The following JAZF1 variants were observed in gnomAD, a reference collection of about 807,000 sequenced individuals.
The protein encoded by JAZF1 is JAZF zinc finger 1, also known as juxtaposed with another zinc finger protein 1.
JAZF1 carries 8 observed loss-of-function variants against 26.4 expected under a neutral mutation model. That is an observed-to-expected ratio of 0.30 (90% CI 0.18 to 0.55). The LOEUF is 0.55. Among genes scored for constraint, JAZF1 ranks in the 20% least tolerant of loss-of-function variants. The pLI is 0.94. For missense variants in JAZF1, 199 were observed against 322.0 expected, an observed-to-expected ratio of 0.62 and a Z score of 2.92; for synonymous variants, 126 against 122.3, an observed-to-expected ratio of 1.03 and a Z score of -0.20.
intron 1 of JAZF1, among the ~76,000 whole-genome samples, chr7:28,009,189 G>A (rs138780375): frequency 2.6e-5 from 4 of 151,684 alleles, no homozygotes; most frequent in Admixed American, 1.3e-4. Flanking sequence ...AAGATACTGC[G>A]TCTTCATTTC....
chr7:28,174,393 T>G (rs1010629130), intron 1 of JAZF1, among the ~76,000 whole-genome samples: 3 of 152,210 alleles, frequency 2.0e-5, no homozygotes, highest in Non-Finnish European at 4.4e-5. Context: ...TCATCAAGTG[T>G]CACCAGCCTG....
chr7:27,947,375 C>T (rs919332051), intron 2 of JAZF1, among the ~76,000 whole-genome samples: 1 of 152,144 alleles, frequency 6.6e-6, no homozygotes, highest in Non-Finnish European at 1.5e-5. Context: ...TCTGAATATA[C>T]TCTTTTTCTG....
At chr7:27,963,569 C>CT (rs36024077) in intron 2 of JAZF1, among the ~76,000 whole-genome samples, 47,464 of 131,332 alleles carry the variant, frequency 0.36, 9,484 homozygotes, top group East Asian at 0.53. Context: ...CCCCCCCCCC[C>CT]TTTTTTTTTG....
At chr7:28,048,835 C>G (rs1324036963) in intron 1 of JAZF1, among the ~76,000 whole-genome samples, 1 of 152,070 alleles carries the variant, frequency 6.6e-6, no homozygotes, top group East Asian at 1.9e-4. Flanking sequence ...AAAAAGGAAG[C>G]CAGTACTGAC....
intron 1 of JAZF1, among the ~76,000 whole-genome samples, chr7:28,017,657 T>G (rs1049712818): frequency 6.6e-6 from 1 of 152,238 alleles, no homozygotes; most frequent in African/African-American, 2.4e-5. Flanking sequence ...GGCACATGAG[T>G]GCAGCACTGG....
intron 1 of JAZF1, among the ~76,000 whole-genome samples, chr7:28,006,721 G>A (rs2128369122): frequency 6.6e-6 from 1 of 152,256 alleles, no homozygotes; most frequent in East Asian, 1.9e-4. Context: ...GGGTTTGTCT[G>A]ACTTCAAAGT....
At chr7:28,035,313 CAAAAAA>C (rs201602870) in intron 1 of JAZF1, among the ~76,000 whole-genome samples, 7 of 27,468 alleles carry the variant, frequency 2.5e-4, no homozygotes, top group South Asian at 1.9e-3. Flanking sequence ...GACTCCATCT[CAAAAAA>C]AAAAAAAAAA....
At chr7:28,079,894 G>T (rs1177194137) in intron 1 of JAZF1, among the ~76,000 whole-genome samples, 1 of 152,060 alleles carries the variant, frequency 6.6e-6, no homozygotes, top group Non-Finnish European at 1.5e-5. Flanking sequence ...CTGCTGGTCT[G>T]GTTCCAGACC....
At chr7:28,066,950 T>C (rs1783893493) in intron 1 of JAZF1, among the ~76,000 whole-genome samples, 1 of 152,194 alleles carries the variant, frequency 6.6e-6, no homozygotes, top group African/African-American at 2.4e-5. Context: ...CAAGAAGAAC[T>C]AGCAGGTACC....
chr7:27,908,955 A>G (rs201), intron 2 of JAZF1, among the ~76,000 whole-genome samples: 145,045 of 152,324 alleles, frequency 0.95, 69,167 homozygotes, highest in East Asian at 1. Context: ...CCTGTTGAAT[A>G]TGTTCAGGTA....
chr7:28,146,121 C>T (rs1178849860), intron 1 of JAZF1, among the ~76,000 whole-genome samples: 1 of 152,082 alleles, frequency 6.6e-6, no homozygotes, highest in African/African-American at 2.4e-5. Context: ...GCCACTTGGC[C>T]AGGAACAAAA....
Position 28,133,617 on chromosome 7 carries a change from C to T in JAZF1, c.115+46846G>A, listed in dbSNP as rs112116831. Among the ~76,000 whole-genome samples the T allele has an allele frequency of 2.4e-4, 37 of 152,308 alleles. 1 individual carries two copies. Among genetic ancestry groups the T allele is most frequent in the African/African-American group, 8.7e-4 (36 of 41,580 alleles). On this transcript the variant is annotated intron_variant, in intron 1 of 4. Coordinates refer to ENST00000283928, the MANE Select transcript of JAZF1 (RefSeq NM_175061.4). ...CAGGCTTCCACTTGAGATAAATGGT[C>T]TTTTGTGCACTAGTGTAGGAACCTG...
At chr7:27,991,106 C>T (rs1785893630) in intron 2 of JAZF1, among the ~76,000 whole-genome samples, 1 of 152,210 alleles carries the variant, frequency 6.6e-6, no homozygotes, top group African/African-American at 2.4e-5. Context: ...CCACTTCAGA[C>T]CCTGAACCTC....
chr7:27,845,436 C>T (rs560350737), intron 3 of JAZF1, among the ~76,000 whole-genome samples: 5 of 152,286 alleles, frequency 3.3e-5, no homozygotes, highest in Non-Finnish European at 7.4e-5. Context: ...CAGTGGCTCA[C>T]GCCTGTAATC....
chr7:27,990,858 A>T (rs1180179460), intron 2 of JAZF1, among the ~76,000 whole-genome samples: 1 of 152,212 alleles, frequency 6.6e-6, no homozygotes, highest in Non-Finnish European at 1.5e-5. Context: ...TATTATTGGT[A>T]ATGAAAAATT....
chr7:28,103,075 G>A (rs1318717776), intron 1 of JAZF1, among the ~76,000 whole-genome samples: 1 of 152,140 alleles, frequency 6.6e-6, no homozygotes, highest in African/African-American at 2.4e-5. Context: ...TGCTAGGGAT[G>A]ACCAGTCCCT....
At chr7:27,896,912 G>T in intron 2 of JAZF1, among the ~76,000 whole-genome samples, 1 of 152,120 alleles carries the variant, frequency 6.6e-6, no homozygotes, top group Non-Finnish European at 1.5e-5. Context: ...GATTTAAAAA[G>T]AAGAAAGGAA....
chr7:27,935,940 G>A (rs1463482360), intron 2 of JAZF1, among the ~76,000 whole-genome samples: 1 of 152,196 alleles, frequency 6.6e-6, no homozygotes, highest in African/African-American at 2.4e-5. Flanking sequence ...GGACTAGGGT[G>A]AGGAGTGAGG....
At chr7:28,084,528 G>T (rs1318475342) in intron 1 of JAZF1, among the ~76,000 whole-genome samples, 1 of 152,212 alleles carries the variant, frequency 6.6e-6, no homozygotes, top group East Asian at 1.9e-4. Flanking sequence ...CCGTCAGGAA[G>T]TTTGCTCTCA....
Sources: gnomAD v4.1 joint callset for allele counts (sites outside exome capture counted in the v4.1 genomes callset) on GRCh38, gnomAD v4.1.1 for gene constraint, MANE v1.5 for transcripts, NCBI Gene and HGNC (gene_info 2026-07-23, HGNC 2026-07-21) for gene names.